CCDC81: variants seen among roughly 807,000 people sequenced by gnomAD.
The protein encoded by CCDC81 is coiled-coil domain-containing protein 81.
A neutral mutation model predicts 83.7 loss-of-function variants in CCDC81; 79 were observed. The observed-to-expected ratio is 0.94, with a 90% CI of 0.79 to 1.14. The LOEUF (loss-of-function observed/expected upper bound fraction) is 1.14. Ranked by LOEUF, CCDC81 falls within the 50% of genes most tolerant of loss-of-function variation. The pLI is 0.00. For synonymous variants in CCDC81, 252 were observed against 278.1 expected, an observed-to-expected ratio of 0.91 and a Z score of 0.93; for missense variants, 791 against 778.1, an observed-to-expected ratio of 1.02 and a Z score of -0.20.
chr11:86,409,301 C>A lies in CCDC81; in HGVS notation c.1154C>A (p.Ala385Asp), dbSNP rs1948605447. 6.5e-7 allele frequency: 1 copy of A among 1,532,620 alleles called. No homozygotes were observed. The highest frequency in any genetic ancestry group is 8.8e-7 in the Non-Finnish European group (1 of 1,142,856). 94.9% of individuals were successfully genotyped at this position (1,532,620 alleles called of 1,614,324 possible). Residue 385 changes from alanine (A) to aspartate (D), a missense_variant, in exon 10 of 15, where the codon GCT becomes GAT. By Grantham distance (126) the Ala-to-Asp change is moderately radical. Coordinates refer to ENST00000445632, the MANE Select transcript of CCDC81 (RefSeq NM_001156474.2). ...LATREQNQKNAAYNLGVAEAI... is the reference protein window; with the variant it reads ...LATREQNQKNDAYNLGVAEAI... ...ACTAGAGAACAGAATCAGAAAAATG[C>A]TGCCTATAATCTTGGAGTTGCTGAA...
chr11:86,419,787 G>A, intron 13 of CCDC81, 141 bp from the exon 14 acceptor site: 1 of 721,648 alleles, frequency 1.4e-6, no homozygotes, highest in Non-Finnish European at 2.1e-6. Context: ...TGCTTTTACA[G>A]TGTTCATGCT....
Position 86,415,277 on chromosome 11 carries a change from G to A in CCDC81, c.1655G>A (p.Arg552Lys). The A allele has an allele frequency of 6.2e-7, 1 of 1,614,182 alleles. No homozygotes were observed. ...KAILHQLVDQ[R>K]RDLQMLQRTQ... ...ATCCTGCATCAACTAGTGGACCAGA[G>A]GCGGGATTTGCAAATGCTTCAGAGG... Residue 552 changes from arginine (R) to lysine (K), a missense_variant, in exon 13 of 15, where the codon AGG (arginine) becomes AAG (lysine). Coordinates refer to ENST00000445632, the MANE Select transcript of CCDC81 (RefSeq NM_001156474.2).
rs545083032 is a variant in CCDC81, at chr11:86,403,013, AT to A, written c.881+2233del. ...CCACCACACACCAGCTAATTTTTTG[AT>A]TTTTTTTTTTTTTTTTTTTTGTAGA... On this transcript the variant is annotated intron_variant, in intron 7 of 14. Coordinates refer to ENST00000445632, the MANE Select transcript of CCDC81 (RefSeq NM_001156474.2). 2.6e-3 allele frequency among the ~76,000 whole-genome samples: 291 copies of A among 112,476 alleles called. 1 individual carries two copies. The highest frequency in any genetic ancestry group is 5.1e-3 in the South Asian group (17 of 3,330). The allele number at this position is 112,476 out of a possible 152,430, so 73.8% of individuals were successfully genotyped here. A position where few individuals can be genotyped will look rare whatever the true frequency, so the allele number is the denominator to read the frequency against.
Position 86,412,530 on chromosome 11 carries a change from C to T in CCDC81, c.1362C>T (p.Asp454=). Residue 454 remains aspartate, a synonymous_variant, in exon 11 of 15, where the codon GAC becomes GAT. Transcript: ENST00000445632. ...AAAGACAATACAGAGAGTTGATGGACCGCCTGGAACAAGTGCAACTCACAG... is the reference window on the plus strand; with the variant it reads ...AAAGACAATACAGAGAGTTGATGGATCGCCTGGAACAAGTGCAACTCACAG... ...IKQRQYRELM[D]RLEQVQLTEE... 1 of 1,611,258 alleles carries T rather than the reference C, an allele frequency of 6.2e-7. No homozygotes were observed. Among genetic ancestry groups the T allele is most frequent in the South Asian group, 1.1e-5 (1 of 90,358 alleles).
chr11:86,401,007 G>A (rs1199860203), intron 7 of CCDC81, among the ~76,000 whole-genome samples: 6 of 152,116 alleles, frequency 3.9e-5, no homozygotes, highest in African/African-American at 4.8e-5. Context: ...GATAAATTAC[G>A]ATTCAGTGGA....
At chr11:86,377,153 T>C (rs1345949213) in intron 1 of CCDC81, among the ~76,000 whole-genome samples, 1 of 151,542 alleles carries the variant, frequency 6.6e-6, no homozygotes, top group African/African-American at 2.4e-5. Context: ...TAATATTCCA[T>C]TATCTAGATG....
At chr11:86,416,891 G>GT (rs1469805516) in intron 13 of CCDC81, among the ~76,000 whole-genome samples, 23 of 151,826 alleles carry the variant, frequency 1.5e-4, no homozygotes, top group Admixed American at 3.9e-4. Context: ...ATTTATACTT[G>GT]TTTTTTTTCT....
Position 86,387,619 on chromosome 11 carries a change from T to G in CCDC81, c.245T>G (p.Val82Gly), listed in dbSNP as rs1482076500. ...ILIQRPVFIMVEKLVQIHGLK... is the reference protein window; with the variant it reads ...ILIQRPVFIMGEKLVQIHGLK... ...ATCCAGAGGCCTGTGTTTATCATGGTGGAGAAGCTAGTGCAGATTCATGGA... is the reference window on the plus strand; with the variant it reads ...ATCCAGAGGCCTGTGTTTATCATGGGGGAGAAGCTAGTGCAGATTCATGGA... The change falls in exon 3 of 15, where the codon GTG becomes GGG. Residue 82 changes from valine (V) to glycine (G), a missense_variant. Transcript: ENST00000445632. 1 of 1,611,706 alleles carries G rather than the reference T, an allele frequency of 6.2e-7. No homozygotes were observed. Among genetic ancestry groups the G allele is most frequent in the Non-Finnish European group, 8.5e-7 (1 of 1,177,898 alleles).
rs199958036 is a variant in CCDC81, at chr11:86,420,025, C to T, written c.1789C>T (p.Arg597Ter). Residue 597 changes from arginine (R) to a stop codon, truncating the protein, a stop_gained, in exon 14 of 15, where the codon CGA (arginine) becomes TGA (stop). Coordinates refer to ENST00000445632, the MANE Select transcript of CCDC81 (RefSeq NM_001156474.2). LOFTEE classifies it high-confidence loss of function. ...WERSAAMKKQ[R>*]DLEDKAFERA... ...AAGGAGTGCTGCGATGAAGAAGCAG[C>T]GAGACCTGGAGGACAAGGCTTTTGA... The T allele has an allele frequency of 6.2e-6, 10 of 1,613,524 alleles. No homozygotes were observed. Among genetic ancestry groups the T allele is most frequent in the East Asian group, 4.5e-5 (2 of 44,862 alleles).
chr11:86,393,487 A>G (rs990563776), intron 4 of CCDC81, among the ~76,000 whole-genome samples: 2 of 152,212 alleles, frequency 1.3e-5, no homozygotes, highest in Non-Finnish European at 2.9e-5. Flanking sequence ...GCTATGTGGG[A>G]ATCCCAAGGT....
chr11:86,414,566 C>T (rs1043702611), intron 11 of CCDC81: 4 of 465,896 alleles, frequency 8.6e-6, no homozygotes, highest in African/African-American at 2.0e-5. Flanking sequence ...TTCAGCCTCC[C>T]AAAGTGCTGG....
chr11:86,389,204 A>G (rs1948289338), intron 3 of CCDC81, among the ~76,000 whole-genome samples: 1 of 152,116 alleles, frequency 6.6e-6, no homozygotes, highest in Non-Finnish European at 1.5e-5. Flanking sequence ...CTGAGGCAAG[A>G]GGATCACTTC....
chr11:86,395,252 T>G (rs950813436), intron 4 of CCDC81, 82 bp from the exon 5 acceptor site: 14 of 1,021,172 alleles, frequency 1.4e-5, no homozygotes, highest in Admixed American at 4.1e-5. Flanking sequence ...GTGGTAGCCT[T>G]GCCTATGAGC....
At chr11:86,393,689 G>A (rs1334618557) in intron 4 of CCDC81, among the ~76,000 whole-genome samples, 6 of 152,162 alleles carry the variant, frequency 3.9e-5, no homozygotes, top group African/African-American at 1.2e-4. Context: ...TTCCTAATTG[G>A]CATCATTATT....
intron 1 of CCDC81, among the ~76,000 whole-genome samples, chr11:86,376,780 C>T (rs577401116): frequency 1.1e-3 from 166 of 152,324 alleles, no homozygotes; most frequent in Middle Eastern, 3.4e-3. Context: ...ACATGTGTTA[C>T]AATTGAACCT....
At chr11:86,410,557 A>C (rs1159246570) in intron 10 of CCDC81, among the ~76,000 whole-genome samples, 1 of 152,216 alleles carries the variant, frequency 6.6e-6, no homozygotes, top group African/African-American at 2.4e-5. Context: ...GCAGGGAAAC[A>C]GGGAAGGAAG....
chr11:86,404,588 G>A lies in CCDC81; in HGVS notation c.882-3026G>A, dbSNP rs2138526131. Among the ~76,000 whole-genome samples the A allele has an allele frequency of 2.0e-5, 3 of 152,290 alleles. No homozygotes were observed. The South Asian group carries it at 6.2e-4, about 32-fold the overall frequency. On this transcript the variant is annotated intron_variant, in intron 7 of 14. Transcript: ENST00000445632. ...ACATGGAAATAAGCTGCCACATAAT[G>A]AGAGCCATCAGAAACAAAAGATGGA...
intron 7 of CCDC81, among the ~76,000 whole-genome samples, chr11:86,405,816 G>A (rs1476161796): frequency 2.7e-5 from 4 of 145,888 alleles, no homozygotes; most frequent in Non-Finnish European, 3.0e-5. Flanking sequence ...AGGCTGGAGC[G>A]CAGTGGCGTG....
chr11:86,421,589 C>T (rs968312928), intron 14 of CCDC81, among the ~76,000 whole-genome samples: 3 of 152,210 alleles, frequency 2.0e-5, no homozygotes, highest in Non-Finnish European at 2.9e-5. Flanking sequence ...GGATTACAGG[C>T]GTAAGCCACC....
Sources: gnomAD v4.1 joint callset for allele counts (sites outside exome capture counted in the v4.1 genomes callset) on GRCh38, gnomAD v4.1.1 for gene constraint, MANE v1.5 for transcripts, NCBI Gene and HGNC (gene_info 2026-07-23, HGNC 2026-07-21) for gene names.